CSMD1: variants seen among roughly 807,000 people sequenced by gnomAD.
CSMD1 encodes the protein CUB and sushi domain-containing protein 1.
In CSMD1, 213 loss-of-function variants were observed where a neutral mutation model predicts 417.5. That is an observed-to-expected ratio of 0.51 (90% CI 0.46 to 0.57). The LOEUF is 0.57. CSMD1 is among the 20% of genes least tolerant of loss of function. The pLI is 0.00. For missense variants in CSMD1, 6,923 were observed against 4,529.7 expected (o/e 1.53, Z -15.17); for synonymous variants, 2,862 against 1,736.8 (o/e 1.65, Z -16.11).
At chr8:4,268,100 A>T (rs1440153119) in intron 3 of CSMD1, among the ~76,000 whole-genome samples, 1 of 152,176 alleles carries the variant, frequency 6.6e-6, no homozygotes, top group Non-Finnish European at 1.5e-5. Context: ...TGTTACAAAA[A>T]ACCTAATCCA....
intron 36 of CSMD1, among the ~76,000 whole-genome samples, chr8:3,181,850 C>G (rs948230043): frequency 1.3e-5 from 2 of 151,988 alleles, no homozygotes; most frequent in African/African-American, 4.8e-5. Context: ...ATACCGAGGA[C>G]CAGGGTAAGA....
chr8:4,376,944 C>A (rs946893819), intron 3 of CSMD1, among the ~76,000 whole-genome samples: 1 of 152,128 alleles, frequency 6.6e-6, no homozygotes, highest in Non-Finnish European at 1.5e-5. Context: ...GGGTAATGTT[C>A]ACTCCTCCAC....
At chr8:3,131,856 A>T (rs1287578387) in intron 41 of CSMD1, among the ~76,000 whole-genome samples, 2 of 152,222 alleles carry the variant, frequency 1.3e-5, no homozygotes, top group African/African-American at 4.8e-5. Flanking sequence ...GGAAAAATAC[A>T]TAATATTGTT....
At chr8:3,703,653 G>A (rs1354348050) in intron 7 of CSMD1, among the ~76,000 whole-genome samples, 4 of 152,190 alleles carry the variant, frequency 2.6e-5, no homozygotes, top group Non-Finnish European at 5.9e-5. Context: ...CTAGCAGGAA[G>A]AAGCAGAGGA....
chr8:3,692,401 G>C (rs1448191869), intron 7 of CSMD1, among the ~76,000 whole-genome samples: 1 of 151,868 alleles, frequency 6.6e-6, no homozygotes, highest in Non-Finnish European at 1.5e-5. Flanking sequence ...CTTCTAACGT[G>C]CCTCCTTCGA....
At chr8:3,970,526 G>A (rs749141393) in intron 5 of CSMD1, among the ~76,000 whole-genome samples, 27 of 152,080 alleles carry the variant, frequency 1.8e-4, no homozygotes, top group Non-Finnish European at 3.4e-4. Flanking sequence ...CCAGGAGGAC[G>A]ATTAAGGACC....
intron 6 of CSMD1, among the ~76,000 whole-genome samples, chr8:3,733,753 T>G (rs1488957304): frequency 3.3e-5 from 5 of 152,166 alleles, no homozygotes; most frequent in Non-Finnish European, 7.3e-5. Flanking sequence ...CAAGTAACCC[T>G]TATTTTACTT....
At chr8:4,885,390 G>C (rs1399657346) in intron 1 of CSMD1, among the ~76,000 whole-genome samples, 1 of 151,944 alleles carries the variant, frequency 6.6e-6, no homozygotes, top group African/African-American at 2.4e-5. Context: ...GTACCAAAAA[G>C]GCACATCGAT....
chr8:3,436,668 C>T (rs1814586665), intron 12 of CSMD1, among the ~76,000 whole-genome samples: 1 of 152,050 alleles, frequency 6.6e-6, no homozygotes, highest in Non-Finnish European at 1.5e-5. Context: ...AAGTGTGAGT[C>T]TTGTATTGTT....
At chr8:4,444,459 C>T (rs747479771) in intron 2 of CSMD1, among the ~76,000 whole-genome samples, 3 of 150,466 alleles carry the variant, frequency 2.0e-5, no homozygotes, top group Non-Finnish European at 4.4e-5. Flanking sequence ...GAGAAAACCA[C>T]CTGAGGAAGA....
At chr8:3,326,289 A>G (rs1342907289) in intron 23 of CSMD1, among the ~76,000 whole-genome samples, 1 of 152,240 alleles carries the variant, frequency 6.6e-6, no homozygotes. Flanking sequence ...GCTTTTTGAC[A>G]TTGAGTACAT....
At chr8:3,126,805 C>T (rs761925778) in intron 41 of CSMD1, among the ~76,000 whole-genome samples, 2 of 152,140 alleles carry the variant, frequency 1.3e-5, no homozygotes, top group Non-Finnish European at 2.9e-5. Context: ...TTTTGGGCCT[C>T]GCTGAGACTA....
intron 2 of CSMD1, among the ~76,000 whole-genome samples, chr8:4,538,900 G>T (rs946786866): frequency 6.6e-6 from 1 of 152,112 alleles, no homozygotes; most frequent in Admixed American, 6.5e-5. Flanking sequence ...CCCTTTTATG[G>T]AATCTTTGAA....
At chr8:3,412,584 G>C (rs1300734995) in intron 12 of CSMD1, among the ~76,000 whole-genome samples, 5 of 152,146 alleles carry the variant, frequency 3.3e-5, no homozygotes, top group Admixed American at 6.6e-5. Flanking sequence ...CTGTGAAGCA[G>C]AAGAGCACAC....
intron 3 of CSMD1, among the ~76,000 whole-genome samples, chr8:4,206,745 A>C (rs986285847): frequency 3.9e-5 from 6 of 152,172 alleles, no homozygotes; most frequent in Non-Finnish European, 8.8e-5. Context: ...AGGATTTCAG[A>C]ATATTTCCAA....
chr8:3,523,566 C>CACACATGTGCATGT (rs1797604311), intron 10 of CSMD1, among the ~76,000 whole-genome samples: 1 of 151,874 alleles, frequency 6.6e-6, no homozygotes, highest in Non-Finnish European at 1.5e-5. Context: ...CACACAGATG[C>CACACATGTGCATGT]ACACACACAT....
chr8:3,142,564 C>G lies in CSMD1; in HGVS notation c.6142G>C (p.Asp2048His), dbSNP rs1184327823. Reference sequence around the variant, plus strand: ...GTGCTCAGCAGGGCCGCGGGGAGATCCGTGCCGCTAAATTGTCCAATCATG... The same window carrying G: ...GTGCTCAGCAGGGCCGCGGGGAGATGCGTGCCGCTAAATTGTCCAATCATG... ...SPMIGQFSGT[D>H]LPAALLSTTH... is the part of the protein sequence containing the mutation. The change falls in exon 41 of 70, where the codon GAT (aspartate) becomes CAT (histidine). Residue 2048 changes from aspartate to histidine, a missense_variant. Physicochemically the swap from Asp to His is moderately conservative, Grantham distance 81. Transcript: ENST00000635120. The G allele has an allele frequency of 6.2e-7, 1 of 1,613,918 alleles. No homozygotes were observed. The highest frequency in any genetic ancestry group is 8.5e-7 in the Non-Finnish European group (1 of 1,179,884).
rs189175438 is a variant in CSMD1 at position 4,153,256 on chromosome 8, T to C, written c.416-121157A>G. The stretch of plus-strand genomic sequence containing the variant: ...TGGAGAGTATGCCAGAAATGATACA[T>C]ACGGCTATAAAGACAGAGTGTCCAA... On this transcript the variant is annotated intron_variant, in intron 3 of 69. Transcript: ENST00000635120. Among the ~76,000 whole-genome samples the C allele has an allele frequency of 1.7e-3, 260 of 152,302 alleles. 1 individual carries two copies. The highest frequency in any genetic ancestry group is 3.7e-3 in the South Asian group (18 of 4,822).
intron 1 of CSMD1, among the ~76,000 whole-genome samples, chr8:4,927,099 T>C (rs532226632): frequency 6.7e-6 from 1 of 148,482 alleles, no homozygotes; most frequent in Non-Finnish European, 1.5e-5. Flanking sequence ...TTATTATTAT[T>C]ATTATTATTA....
Sources: allele counts gnomAD v4.1 joint callset (sites outside exome capture counted in the v4.1 genomes callset), GRCh38; gene constraint gnomAD v4.1.1; transcripts MANE v1.5; gene names NCBI Gene and HGNC (gene_info 2026-07-23, HGNC 2026-07-21).